ZNF521: variants seen among roughly 807,000 people sequenced by gnomAD.
ZNF521 encodes LYST-interacting protein 3.
Under a neutral mutation model 105.5 loss-of-function variants are expected in ZNF521, and 14 were observed. That is an observed-to-expected ratio of 0.13 (90% CI 0.09 to 0.21). The LOEUF is 0.21. ZNF521 is among the 10% of genes least tolerant of loss of function. The pLI is 1.00. For synonymous variants in ZNF521, 635 were observed against 606.0 expected (o/e 1.05, Z -0.70); for missense variants, 1,233 against 1,629.7 (o/e 0.76, Z 4.19).
intron 5 of ZNF521, among the ~76,000 whole-genome samples, chr18:25,168,840 G>C (rs1427907923): frequency 6.6e-6 from 1 of 152,164 alleles, no homozygotes; most frequent in Non-Finnish European, 1.5e-5. Context: ...AAACTGGGAA[G>C]GCAGGTTAGT....
intron 5 of ZNF521, among the ~76,000 whole-genome samples, chr18:25,171,372 C>T (rs1308523262): frequency 6.6e-6 from 1 of 152,090 alleles, no homozygotes; most frequent in African/African-American, 2.4e-5. Context: ...TAATGTTGTA[C>T]ACTTTATAAT....
At chr18:25,141,313 G>C (rs991035343) in intron 5 of ZNF521, among the ~76,000 whole-genome samples, 5 of 152,174 alleles carry the variant, frequency 3.3e-5, no homozygotes, top group African/African-American at 9.6e-5. Context: ...GTTTATATGT[G>C]ATGTGCACAA....
chr18:25,083,777 T>TG (rs10663852), intron 7 of ZNF521, among the ~76,000 whole-genome samples: 2 of 151,480 alleles, frequency 1.3e-5, no homozygotes, highest in African/African-American at 4.9e-5. Context: ...TTTGTTTGTT[T>TG]TCTTGAGACA....
chr18:25,308,703 A>G (rs956720098), intron 3 of ZNF521, among the ~76,000 whole-genome samples: 5 of 132,988 alleles, frequency 3.8e-5, no homozygotes, highest in South Asian at 2.4e-4. Context: ...TTCTCAGAAT[A>G]TGCTGGAACC....
At chr18:25,195,742 A>G (rs1156617625) in intron 4 of ZNF521, among the ~76,000 whole-genome samples, 1 of 151,766 alleles carries the variant, frequency 6.6e-6, no homozygotes. Context: ...TTTTTGGCTA[A>G]AGTCTACAAT....
At chr18:25,258,730 CT>C (rs1408235307) in intron 3 of ZNF521, among the ~76,000 whole-genome samples, 3 of 152,056 alleles carry the variant, frequency 2.0e-5, no homozygotes, top group African/African-American at 7.2e-5. Flanking sequence ...AGATTAAAGA[CT>C]GAGAACTAGC....
intron 3 of ZNF521, among the ~76,000 whole-genome samples, chr18:25,263,767 G>A (rs565016090): frequency 6.2e-4 from 94 of 152,158 alleles, no homozygotes; most frequent in Admixed American, 2.0e-3. Context: ...CAGTAGAGAC[G>A]AGGTTTCACC....
At chr18:25,253,626 T>C (rs1202514496) in intron 3 of ZNF521, among the ~76,000 whole-genome samples, 1 of 152,132 alleles carries the variant, frequency 6.6e-6, no homozygotes, top group Non-Finnish European at 1.5e-5. Context: ...ATGGTTCCAT[T>C]TAGATTTTGT....
At chr18:25,192,798 G>A (rs979397144) in intron 5 of ZNF521, among the ~76,000 whole-genome samples, 5 of 151,652 alleles carry the variant, frequency 3.3e-5, no homozygotes, top group African/African-American at 9.7e-5. Flanking sequence ...AGACTAAATA[G>A]CACATTGGAA....
chr18:25,144,149 C>T (rs1025545007), intron 5 of ZNF521, among the ~76,000 whole-genome samples: 26 of 152,170 alleles, frequency 1.7e-4, no homozygotes, highest in African/African-American at 5.8e-4. Flanking sequence ...CAGACACACA[C>T]GCTCAGGACC....
intron 5 of ZNF521, among the ~76,000 whole-genome samples, chr18:25,179,487 T>A (rs2144586438): frequency 6.6e-6 from 1 of 152,224 alleles, no homozygotes; most frequent in Admixed American, 6.5e-5. Context: ...CGTGTGTGCA[T>A]GTGTGTATAT....
intron 5 of ZNF521, among the ~76,000 whole-genome samples, chr18:25,189,527 C>T (rs770741757): frequency 6.6e-6 from 1 of 152,194 alleles, no homozygotes; most frequent in Non-Finnish European, 1.5e-5. Flanking sequence ...GGTTCTCAAA[C>T]TGAGGCCTAC....
chr18:25,143,799 C>T (rs767285760), intron 5 of ZNF521, among the ~76,000 whole-genome samples: 6 of 152,104 alleles, frequency 3.9e-5, no homozygotes, highest in Non-Finnish European at 7.4e-5. Context: ...CTAGAAGCAA[C>T]AGAAATATTT....
intron 5 of ZNF521, among the ~76,000 whole-genome samples, chr18:25,152,637 G>A (rs1427716212): frequency 6.6e-6 from 1 of 152,040 alleles, no homozygotes; most frequent in East Asian, 1.9e-4. Context: ...GGGTACAAAG[G>A]AGAGGAGACC....
chr18:25,168,954 GGTGTGT>G (rs33910445), intron 5 of ZNF521, among the ~76,000 whole-genome samples: 5 of 150,304 alleles, frequency 3.3e-5, no homozygotes, highest in Non-Finnish European at 7.4e-5. Flanking sequence ...CTGTGTCTGG[GGTGTGT>G]GTGTGTGTGT....
At chr18:25,239,695 C>T (rs754986258) in intron 3 of ZNF521, among the ~76,000 whole-genome samples, 2 of 152,178 alleles carry the variant, frequency 1.3e-5, no homozygotes, top group African/African-American at 4.8e-5. Flanking sequence ...GAACAGGCTA[C>T]AGTCTCTTGC....
rs746119437 is a variant in ZNF521 at position 25,352,123 on chromosome 18, G to A, written c.-120C>T. The A allele has an allele frequency of 4.4e-6, 2 of 457,812 alleles. No individual in the cohort carries two copies. Among genetic ancestry groups the A allele is most frequent in the Admixed American group, 2.1e-5 (1 of 47,226 alleles). The allele number at this position is 457,812 out of a possible 1,614,324, so 28.4% of individuals were successfully genotyped here. A position where few individuals can be genotyped will look rare whatever the true frequency, so the allele number is the denominator to read the frequency against. ...GGGGGCCCCTAACCCGCAGGGACTC[G>A]CTCTGTACGTAATCACTGAGGAAAT... On this transcript the variant is annotated 5_prime_UTR_variant, in exon 1 of 8. Transcript: ENST00000361524.
chr18:25,227,296 G>T lies in ZNF521; in HGVS notation c.622C>A (p.Arg208Ser), dbSNP rs753646585. The T allele has an allele frequency of 6.2e-7, 1 of 1,614,116 alleles. No individual in the cohort carries two copies. Among genetic ancestry groups the T allele is most frequent in the Non-Finnish European group, 8.5e-7 (1 of 1,180,018 alleles). ...SNKPYKCAIC[R>S]RGFLSSSSLH... The stretch of plus-strand genomic sequence containing the variant: ...GAACTAGAGGACAGAAACCCACGGC[G>T]ACAAATGGCACATTTATATGGCTTG... The change falls in exon 4 of 8, where the codon CGC becomes AGC. Residue 208 changes from arginine (R) to serine (S), a missense_variant. Around this residue, in one of 6 missense-constraint regions of ZNF521, gnomAD observed 380 missense variants for 478.0 expected, o/e 0.80. Coordinates refer to ENST00000361524, the MANE Select transcript of ZNF521 (RefSeq NM_015461.3). The surrounding 1 kb of genome is among the most constrained non-coding windows in gnomAD (Gnocchi z 5.7).
At chr18:25,198,496 T>C (rs1017845257) in intron 4 of ZNF521, among the ~76,000 whole-genome samples, 1 of 151,800 alleles carries the variant, frequency 6.6e-6, no homozygotes, top group Non-Finnish European at 1.5e-5. Flanking sequence ...TAAAAAGTAA[T>C]TTAAAATAAT....
Sources: allele counts gnomAD v4.1 joint callset (sites outside exome capture counted in the v4.1 genomes callset), GRCh38; gene constraint gnomAD v4.1.1; regional missense constraint gnomAD v4.1.1; non-coding constraint Gnocchi (gnomAD v3.1); transcripts MANE v1.5; gene names NCBI Gene and HGNC (gene_info 2026-07-23, HGNC 2026-07-21).